LARS1: variants seen among roughly 807,000 people sequenced by gnomAD.
The protein encoded by LARS1 is leucine--tRNA ligase, cytoplasmic.
A neutral mutation model predicts 162.8 loss-of-function variants in LARS1; 100 were observed. The observed-to-expected ratio is 0.61, with a 90% CI of 0.52 to 0.73. LARS1 has a LOEUF of 0.73. LARS1 is among the 30% of genes least tolerant of loss of function. The pLI is 0.00. For missense variants in LARS1, 1,258 were observed against 1,408.9 expected, an observed-to-expected ratio of 0.89 and a Z score of 1.71; for synonymous variants, 457 against 462.8, an observed-to-expected ratio of 0.99 and a Z score of 0.16.
rs7733143 is a variant in LARS1 at position 146,172,260 on chromosome 5, A to G, written c.214-270T>C. Among the ~76,000 whole-genome samples the G allele has an allele frequency of 2.5e-3, 378 of 152,264 alleles. 3 individuals are homozygous for G. Among genetic ancestry groups the G allele is most frequent in the African/African-American group, 8.5e-3 (355 of 41,560 alleles). On this transcript the variant is annotated intron_variant, in intron 3 of 31. Coordinates refer to ENST00000394434, the MANE Select transcript of LARS1 (RefSeq NM_020117.11). ...GGGCCAGGCACGGTGGCTCATGCCTATAATCCCAGCACTTTCAGAGGCCGA... is the reference window on the plus strand; with the variant it reads ...GGGCCAGGCACGGTGGCTCATGCCTGTAATCCCAGCACTTTCAGAGGCCGA...
chr5:146,170,373 G>A (rs1215680636), intron 4 of LARS1, among the ~76,000 whole-genome samples: 1 of 151,986 alleles, frequency 6.6e-6, no homozygotes, highest in African/African-American at 2.4e-5. Flanking sequence ...AGGAGGCTGA[G>A]GCAAGAGAAT....
At position 146,134,039 on chromosome 5, in the gene LARS1, T is replaced by C. The variant is rs562611292; in HGVS notation, c.2213-958A>G. Among the ~76,000 whole-genome samples the C allele has an allele frequency of 3.3e-5, 5 of 152,280 alleles. No homozygotes were observed. In the South Asian group the frequency reaches 1.0e-3, roughly 32 times the overall value. On this transcript the variant is annotated intron_variant, in intron 22 of 31. Transcript: ENST00000394434. ...TTGTACTTTTAATAGAGACAGGGTT[T>C]CTCCATGTTGGTCAGGCTGGTCTGA... is the stretch of plus-strand genomic sequence containing the variant.
intron 21 of LARS1, chr5:146,137,839 G>A (rs1752579909): frequency 3.9e-6 from 1 of 253,520 alleles, no homozygotes; most frequent in Admixed American, 5.5e-5. Context: ...AAAATTGAAG[G>A]TGTTAGCTGG....
At chr5:146,157,913 T>C (rs983959964) in intron 8 of LARS1, 118 bp from the exon 9 acceptor site, 9 of 947,574 alleles carry the variant, frequency 9.5e-6, no homozygotes, top group Non-Finnish European at 1.5e-5. Context: ...TATTAATTTT[T>C]TTTTGCAGAG....
At chr5:146,167,561 G>A (rs1026305263) in intron 5 of LARS1, among the ~76,000 whole-genome samples, 5 of 152,012 alleles carry the variant, frequency 3.3e-5, no homozygotes, top group Non-Finnish European at 7.4e-5. Flanking sequence ...CCACCACCAC[G>A]CCCGGCTAAT....
chr5:146,121,711 C>A (rs1030798090), intron 30 of LARS1, among the ~76,000 whole-genome samples: 6 of 152,150 alleles, frequency 3.9e-5, no homozygotes, highest in African/African-American at 1.4e-4. Flanking sequence ...TCATTCTCCA[C>A]AAACTAACAC....
Position 146,167,081 on chromosome 5 carries a change from G to A in LARS1, c.432+1047C>T, listed in dbSNP as rs187893749. ...GGCATTATCTATAATTATCTGACCC[G>A]TATTCGTTAAAAGTATAAAGGTCAT... On this transcript the variant is annotated intron_variant, in intron 5 of 31. Coordinates refer to ENST00000394434, the MANE Select transcript of LARS1 (RefSeq NM_020117.11). Among the ~76,000 whole-genome samples the A allele has an allele frequency of 3.3e-5, 5 of 152,186 alleles. No homozygotes were observed. The East Asian group carries it at 5.8e-4, about 18-fold the overall frequency.
At chr5:146,168,686 T>C (rs186697985) in intron 4 of LARS1, among the ~76,000 whole-genome samples, 1 of 152,140 alleles carries the variant, frequency 6.6e-6, no homozygotes, top group African/African-American at 2.4e-5. Flanking sequence ...ATGAGTCCCA[T>C]GTCTCAAAAA....
intron 22 of LARS1, 94 bp from the exon 23 acceptor site, chr5:146,133,175 A>G (rs1752361690): frequency 1.9e-6 from 2 of 1,025,864 alleles, no homozygotes; most frequent in Non-Finnish European, 2.8e-6. Context: ...TGCAAAGCCC[A>G]TATATAAATT....
At chr5:146,130,182 C>A in intron 24 of LARS1, 24 bp from the exon 25 acceptor site, 2 of 1,606,446 alleles carry the variant, frequency 1.2e-6, no homozygotes, top group Non-Finnish European at 1.7e-6. Flanking sequence ...AATTATTTAC[C>A]ATTTCCCTCA....
At chr5:146,119,504 C>G (rs992770795) in intron 31 of LARS1, among the ~76,000 whole-genome samples, 1 of 152,022 alleles carries the variant, frequency 6.6e-6, no homozygotes, top group African/African-American at 2.4e-5. Flanking sequence ...AGTGGCCAAT[C>G]AACTTTTGAT....
At chr5:146,143,913 A>G (rs1752899512) in intron 18 of LARS1, among the ~76,000 whole-genome samples, 1 of 152,180 alleles carries the variant, frequency 6.6e-6, no homozygotes, top group Non-Finnish European at 1.5e-5. Context: ...GAGGCAGGAG[A>G]ATCGCTTGAA....
intron 10 of LARS1, among the ~76,000 whole-genome samples, chr5:146,155,923 C>T (rs1753505180): frequency 6.6e-6 from 1 of 152,090 alleles, no homozygotes; most frequent in Non-Finnish European, 1.5e-5. Flanking sequence ...TTCAAATATC[C>T]ATTAATAGAG....
chr5:146,157,819 A>C (rs1561821883), intron 8 of LARS1, 24 bp from the exon 9 acceptor site: 2 of 1,610,290 alleles, frequency 1.2e-6, no homozygotes, highest in Admixed American at 3.3e-5. Flanking sequence ...CGATACAAAA[A>C]TTTGAAGGAA....
rs1277892666 is a variant in LARS1 at position 146,144,402 on chromosome 5, G to T, written c.1656-53C>A. On this transcript the variant is annotated intron_variant, in intron 17 of 31. Coordinates refer to ENST00000394434, the MANE Select transcript of LARS1 (RefSeq NM_020117.11). ...TCTTTACTGGTTCACTTTTTTTGTTGCATTTCAACTTTACTGTTTCCACAT... is the reference window on the plus strand; with the variant it reads ...TCTTTACTGGTTCACTTTTTTTGTTTCATTTCAACTTTACTGTTTCCACAT... 10 of 1,591,242 alleles carry T rather than the reference G, an allele frequency of 6.3e-6. No homozygotes were observed. The African/African-American group carries it at 6.8e-5, about 11-fold the overall frequency.
rs768620216 is a variant in LARS1, at chr5:146,126,431, T to A, written c.2991+4A>T. ...GTCACAGCTGCATAAGGTCCACAGC[T>A]TACCTTAATCATGGCAACAAATGGC... On this transcript the variant is annotated splice_donor_region_variant and intron_variant, in intron 28 of 31. Transcript: ENST00000394434. The A allele has an allele frequency of 1.9e-6, 3 of 1,578,250 alleles. No homozygotes were observed. The South Asian group carries it at 3.3e-5, about 17-fold the overall frequency.
At chr5:146,168,929 G>A (rs77415333) in intron 4 of LARS1, among the ~76,000 whole-genome samples, 1 of 151,882 alleles carries the variant, frequency 6.6e-6, no homozygotes, top group Non-Finnish European at 1.5e-5. Flanking sequence ...CTGTCAGGAG[G>A]GGGGAGGGAT....
Position 146,135,675 on chromosome 5 carries a change from G to C in LARS1, c.2149-11C>G, listed in dbSNP as rs764065028. The C allele has an allele frequency of 1.3e-5, 20 of 1,580,186 alleles. No homozygotes were observed. The Admixed American group carries it at 2.1e-4, about 17-fold the overall frequency. On this transcript the variant is annotated splice_polypyrimidine_tract_variant and intron_variant, in intron 21 of 31. Transcript: ENST00000394434. ...TGTGGATTTTGACATCTGAAATAGA[G>C]AGTCAGTGATCAATCATTAATAACA... is the stretch of plus-strand genomic sequence containing the variant.
intron 20 of LARS1, chr5:146,142,654 GAT>G: frequency 2.1e-6 from 1 of 487,344 alleles, no homozygotes; most frequent in Non-Finnish European, 3.6e-6. Flanking sequence ...ATGCACCTGA[GAT>G]ATGACATGCT....
Sources: gnomAD v4.1 joint callset for allele counts (sites outside exome capture counted in the v4.1 genomes callset) on GRCh38, gnomAD v4.1.1 for gene constraint, MANE v1.5 for transcripts, NCBI Gene and HGNC (gene_info 2026-07-23, HGNC 2026-07-21) for gene names.